MTAP: variants seen among roughly 807,000 people sequenced by gnomAD.
MTAP encodes the protein S-methyl-5'-thioadenosine phosphorylase.
MTAP carries 33 observed loss-of-function variants against 33.6 expected under a neutral mutation model. The ratio of observed to expected loss-of-function variants is 0.98; its 90% CI spans 0.74 to 1.31. The LOEUF is 1.31. Among genes scored for constraint, MTAP ranks in the 40% most tolerant of loss-of-function variants. The probability of loss-of-function intolerance (pLI) is 0.00; values close to 1 mark genes in which losing one functional copy is unlikely to be tolerated. For synonymous variants in MTAP, 148 were observed against 125.7 expected (o/e 1.18, Z -1.19); for missense variants, 367 against 360.0 (o/e 1.02, Z -0.16).
Position 21,861,969 on chromosome 9 carries a change from C to G in MTAP, c.814-7C>G. On this transcript the variant is annotated splice_region_variant and splice_polypyrimidine_tract_variant and intron_variant, in intron 7 of 7. Transcript: ENST00000644715. ...GTGAATATCACTGCCTCCTTTCTTC[C>G]TTTCAGAATATGGCCCAGTTTTCTG... is the stretch of plus-strand genomic sequence containing the variant. 1.3e-6 allele frequency: 2 copies of G among 1,518,638 alleles called. No homozygotes were observed. The highest frequency in any genetic ancestry group is 1.4e-5 in the African/African-American group (1 of 73,004). 94.1% of individuals were successfully genotyped at this position (1,518,638 alleles called of 1,614,324 possible).
intron 1 of MTAP, chr9:21,893,549 C>T (rs76153718): frequency 1.3e-5 from 2 of 152,106 alleles, no homozygotes; most frequent in African/African-American, 4.8e-5. Context: ...TAAAGACAAT[C>T]GGAAATGACC....
chr9:21,822,621 A>T (rs1014677098), intron 4 of MTAP, among the ~76,000 whole-genome samples: 2 of 151,814 alleles, frequency 1.3e-5, no homozygotes, highest in African/African-American at 4.8e-5. Flanking sequence ...TTTGGGGTGG[A>T]GAGTTCTGTA....
chr9:21,885,236 T>C (rs1330358521), intron 1 of MTAP, among the ~76,000 whole-genome samples: 1 of 152,160 alleles, frequency 6.6e-6, no homozygotes, highest in Admixed American at 6.5e-5. Flanking sequence ...ATATCATACA[T>C]TGATGGAAGG....
intron 1 of MTAP, among the ~76,000 whole-genome samples, chr9:21,916,757 A>G (rs1041159288): frequency 6.6e-6 from 1 of 152,204 alleles, no homozygotes; most frequent in Non-Finnish European, 1.5e-5. Flanking sequence ...AGAAGAACCT[A>G]CATCGCTCCT....
intron 1 of MTAP, among the ~76,000 whole-genome samples, chr9:21,912,186 C>T (rs185364488): frequency 2.6e-4 from 39 of 152,210 alleles, no homozygotes; most frequent in Non-Finnish European, 4.0e-4. Flanking sequence ...GATTCACAGC[C>T]GAATTCTACC....
chr9:21,855,518 G>A (rs1007791010), intron 6 of MTAP, among the ~76,000 whole-genome samples: 1 of 152,148 alleles, frequency 6.6e-6, no homozygotes, highest in Non-Finnish European at 1.5e-5. Context: ...GGGCATGATT[G>A]AGTAGAGTGG....
chr9:21,820,129 A>G (rs1374760980), intron 4 of MTAP, among the ~76,000 whole-genome samples: 2 of 152,164 alleles, frequency 1.3e-5, no homozygotes, highest in Admixed American at 6.5e-5. Flanking sequence ...TTTGCTGTGC[A>G]GAAGCTCTTT....
intron 1 of MTAP, among the ~76,000 whole-genome samples, chr9:21,908,199 T>C (rs1284273636): frequency 6.6e-6 from 1 of 152,212 alleles, no homozygotes; most frequent in Non-Finnish European, 1.5e-5. Context: ...AATAATGTTA[T>C]ATAAAATGGA....
At chr9:21,874,006 G>C (rs1825971555) in intron 1 of MTAP, among the ~76,000 whole-genome samples, 2 of 152,134 alleles carry the variant, frequency 1.3e-5, no homozygotes, top group African/African-American at 2.4e-5. Flanking sequence ...AGATGACTCA[G>C]TCTTAAAAAC....
chr9:21,891,326 CTGGATGGCAA>C (rs1818197154), intron 1 of MTAP, among the ~76,000 whole-genome samples: 1 of 152,048 alleles, frequency 6.6e-6, no homozygotes, highest in East Asian at 1.9e-4. Context: ...AATTCAGAAT[CTGGATGGCAA>C]TGAATATCAT....
chr9:21,940,948 AAC>A, downstream of MTAP: 2 of 977,906 alleles, frequency 2.0e-6, no homozygotes, highest in Non-Finnish European at 2.4e-6. Context: ...TAAAAGTTAC[AAC>A]CCTCTTATAT....
chr9:21,891,862 A>G (rs1040688396), intron 1 of MTAP, among the ~76,000 whole-genome samples: 1 of 152,182 alleles, frequency 6.6e-6, no homozygotes, highest in Non-Finnish European at 1.5e-5. Flanking sequence ...AAAAAATACT[A>G]AAAGCAGCTA....
chr9:21,906,535 C>T (rs536290438), intron 1 of MTAP, among the ~76,000 whole-genome samples: 10 of 151,938 alleles, frequency 6.6e-5, no homozygotes, highest in Non-Finnish European at 1.0e-4. Flanking sequence ...GAAGGGCTGA[C>T]ATAAAATCTA....
rs749603132 is a variant in MTAP, at chr9:21,815,498, T to A, written c.99T>A (p.Tyr33Ter). 6.2e-7 allele frequency: 1 copy of A among 1,611,014 alleles called. No homozygotes were observed. The highest frequency in any genetic ancestry group is 8.5e-7 in the Non-Finnish European group (1 of 1,178,032). ...TTTTAGAAGGAAGAACTGAAAAATA[T>A]GTGGATACTCCATTTGGCAAGGTTA... Reference protein sequence around the residue: ...PEILEGRTEKYVDTPFGKPSD... With the variant: ...PEILEGRTEK The change falls in exon 2 of 8, where the codon TAT becomes TAA. Residue 33 changes from tyrosine (Y) to a stop codon, truncating the protein, a stop_gained. Transcript: ENST00000644715. LOFTEE classifies it high-confidence loss of function.
chr9:21,896,331 G>T (rs1818292842), intron 1 of MTAP, among the ~76,000 whole-genome samples: 2 of 152,138 alleles, frequency 1.3e-5, no homozygotes, highest in South Asian at 4.1e-4. Context: ...AAAAGAACTA[G>T]AGAAGCAAGA....
At chr9:21,807,165 AAATAAT>A (rs927190751) in intron 1 of MTAP, among the ~76,000 whole-genome samples, 6 of 152,142 alleles carry the variant, frequency 3.9e-5, no homozygotes, top group Non-Finnish European at 4.4e-5. Flanking sequence ...TCCTGTCTCA[AAATAAT>A]AATAATAATA....
At chr9:21,923,332 T>G (rs1587300411) in intron 1 of MTAP, among the ~76,000 whole-genome samples, 1 of 152,206 alleles carries the variant, frequency 6.6e-6, no homozygotes, top group Non-Finnish European at 1.5e-5. Context: ...GCATAGGACA[T>G]CACTCTGTGG....
chr9:21,836,177 A>G (rs986830882), intron 4 of MTAP, among the ~76,000 whole-genome samples: 2 of 152,112 alleles, frequency 1.3e-5, no homozygotes, highest in Non-Finnish European at 2.9e-5. Flanking sequence ...GATGAATACT[A>G]TGTTTTATGA....
intron 1 of MTAP, among the ~76,000 whole-genome samples, chr9:21,926,864 C>G (rs867599243): frequency 6.6e-6 from 1 of 152,170 alleles, no homozygotes; most frequent in Non-Finnish European, 1.5e-5. Flanking sequence ...CCTGATCCCA[C>G]AGAGAACATA....
Sources: allele counts gnomAD v4.1 joint callset (sites outside exome capture counted in the v4.1 genomes callset), GRCh38; gene constraint gnomAD v4.1.1; transcripts MANE v1.5; gene names NCBI Gene and HGNC (gene_info 2026-07-23, HGNC 2026-07-21).